DCDC1: variants seen among roughly 807,000 people sequenced by gnomAD.
DCDC1 encodes doublecortin domain-containing protein 1.
DCDC1 carries 200 observed loss-of-function variants against 178.3 expected under a neutral mutation model. The observed-to-expected ratio is 1.12, with a 90% CI of 1.00 to 1.26. The LOEUF is 1.26. DCDC1 is among the 50% of genes most tolerant of loss of function. DCDC1 has a pLI of 0.00. For synonymous variants in DCDC1, 690 were observed against 604.8 expected (o/e 1.14, Z -2.07); for missense variants, 1,983 against 1,749.2 (o/e 1.13, Z -2.38).
At chr11:31,159,608 T>G (rs1966105951) in intron 9 of DCDC1, among the ~76,000 whole-genome samples, 1 of 152,248 alleles carries the variant, frequency 6.6e-6, no homozygotes, top group African/African-American at 2.4e-5. Context: ...ATGCAGGCAG[T>G]AAGTGTGAGC....
chr11:31,116,407 AT>A (rs1320696394), intron 11 of DCDC1, among the ~76,000 whole-genome samples: 3 of 152,036 alleles, frequency 2.0e-5, no homozygotes, highest in African/African-American at 7.2e-5. Context: ...GAAAAAAAAA[AT>A]TTATCCAACC....
intron 20 of DCDC1, among the ~76,000 whole-genome samples, chr11:31,023,290 T>C (rs1479346989): frequency 6.6e-6 from 1 of 152,056 alleles, no homozygotes; most frequent in Non-Finnish European, 1.5e-5. Context: ...TATGTAATAA[T>C]ATATGTATTG....
intron 1 of DCDC1, among the ~76,000 whole-genome samples, chr11:31,348,005 A>G (rs1950897835): frequency 6.6e-6 from 1 of 152,202 alleles, no homozygotes; most frequent in African/African-American, 2.4e-5. Flanking sequence ...CTATTCCTTC[A>G]TAACCCATTT....
chr11:31,278,375 A>C (rs1310051882), intron 7 of DCDC1, among the ~76,000 whole-genome samples: 1 of 152,150 alleles, frequency 6.6e-6, no homozygotes, highest in African/African-American at 2.4e-5. Context: ...ACATGGATGA[A>C]CCTGGAGGGC....
intron 9 of DCDC1, among the ~76,000 whole-genome samples, chr11:31,224,630 G>T (rs1192299152): frequency 6.6e-6 from 1 of 151,974 alleles, no homozygotes; most frequent in African/African-American, 2.4e-5. Flanking sequence ...CTAATATCCA[G>T]AATCTACATG....
chr11:31,008,685 GT>G (rs1260267595), intron 20 of DCDC1, among the ~76,000 whole-genome samples: 2 of 152,156 alleles, frequency 1.3e-5, no homozygotes, highest in African/African-American at 2.4e-5. Flanking sequence ...AAAGACAACA[GT>G]TTTAGATTCA....
chr11:30,929,643 T>C (rs1946806066), intron 22 of DCDC1, among the ~76,000 whole-genome samples: 1 of 152,006 alleles, frequency 6.6e-6, no homozygotes, highest in African/African-American at 2.4e-5. Flanking sequence ...AACTTACTAA[T>C]AAGTAATATA....
At chr11:31,363,195 C>T (rs1374077756) in intron 1 of DCDC1, among the ~76,000 whole-genome samples, 1 of 151,996 alleles carries the variant, frequency 6.6e-6, no homozygotes, top group Admixed American at 6.5e-5. Context: ...CCAACACTAA[C>T]ATGTCTCATA....
intron 20 of DCDC1, among the ~76,000 whole-genome samples, chr11:30,959,727 T>C (rs1462691932): frequency 6.6e-6 from 1 of 152,126 alleles, no homozygotes; most frequent in African/African-American, 2.4e-5. Context: ...ACTCAATGCC[T>C]CTTGGGGCAA....
chr11:31,284,976 A>T (rs1168485163), intron 7 of DCDC1, among the ~76,000 whole-genome samples: 2 of 152,118 alleles, frequency 1.3e-5, no homozygotes, highest in Non-Finnish European at 2.9e-5. Context: ...AATATTAAGG[A>T]CTATCCTTAA....
At chr11:31,270,479 C>T (rs1945474671) in intron 7 of DCDC1, among the ~76,000 whole-genome samples, 1 of 152,104 alleles carries the variant, frequency 6.6e-6, no homozygotes, top group Admixed American at 6.5e-5. Context: ...TTTTTCTGTT[C>T]TGTATAAATT....
intron 9 of DCDC1, among the ~76,000 whole-genome samples, chr11:31,158,727 A>C (rs994551739): frequency 4.6e-5 from 7 of 152,208 alleles, no homozygotes; most frequent in Non-Finnish European, 8.8e-5. Context: ...TCAAATATGC[A>C]CACCAACTGC....
At chr11:31,331,183 CT>C (rs563000788) in intron 2 of DCDC1, among the ~76,000 whole-genome samples, 1 of 150,716 alleles carries the variant, frequency 6.6e-6, no homozygotes, top group Admixed American at 6.6e-5. Flanking sequence ...TGATTTGGCT[CT>C]TTGTTATTGG....
At chr11:30,885,145 G>A (rs1338472322) in intron 36 of DCDC1, among the ~76,000 whole-genome samples, 4 of 151,432 alleles carry the variant, frequency 2.6e-5, no homozygotes, top group African/African-American at 7.3e-5. Context: ...TCAGAGGGGA[G>A]GGAAAAAATA....
chr11:31,226,059 G>A (rs904215675), intron 9 of DCDC1, among the ~76,000 whole-genome samples: 2 of 151,992 alleles, frequency 1.3e-5, no homozygotes, highest in South Asian at 2.1e-4. Context: ...AAGGAACCAC[G>A]CTGAGGAATG....
chr11:31,150,572 ATATCTATC>A (rs558577113), intron 9 of DCDC1, among the ~76,000 whole-genome samples: 14 of 152,124 alleles, frequency 9.2e-5, no homozygotes, highest in African/African-American at 2.9e-4. Context: ...ATTTTCTACA[ATATCTATC>A]TATCTATCTA....
At chr11:31,145,493 T>C (rs372313587) in intron 9 of DCDC1, among the ~76,000 whole-genome samples, 2 of 152,246 alleles carry the variant, frequency 1.3e-5, no homozygotes, top group South Asian at 2.1e-4. Context: ...TCTATAAGGG[T>C]GGTGGCCTAT....
At chr11:30,866,071 C>T (rs990411142) in intron 38 of DCDC1, among the ~76,000 whole-genome samples, 1 of 152,046 alleles carries the variant, frequency 6.6e-6, no homozygotes, top group African/African-American at 2.4e-5. Context: ...AGGGTGGGCC[C>T]CTAATCCAGT....
chr11:31,319,496 C>A lies in DCDC1; in HGVS notation c.164+8621G>T, dbSNP rs1437542835. Reference sequence around the variant, plus strand: ...TGCAACCCCTGCCTTTTTTTGTTTTCCATTGGCTTGGTAGATCTTCCTCCA... The same window carrying A: ...TGCAACCCCTGCCTTTTTTTGTTTTACATTGGCTTGGTAGATCTTCCTCCA... On this transcript the variant is annotated intron_variant, in intron 3 of 38. Coordinates refer to ENST00000684477, the MANE Select transcript of DCDC1 (RefSeq NM_001387274.1). Among the ~76,000 whole-genome samples the A allele has an allele frequency of 1.3e-4, 8 of 62,534 alleles. 2 individuals carry two copies. In the Admixed American group the frequency reaches 1.3e-3, roughly 10 times the overall value. The allele number at this position is 62,534 out of a possible 152,430, so 41.0% of individuals were successfully genotyped here. A position where few individuals can be genotyped will look rare whatever the true frequency, so the allele number is the denominator to read the frequency against.
Sources: gnomAD v4.1 joint callset for allele counts (sites outside exome capture counted in the v4.1 genomes callset) on GRCh38, gnomAD v4.1.1 for gene constraint, MANE v1.5 for transcripts, NCBI Gene and HGNC (gene_info 2026-07-23, HGNC 2026-07-21) for gene names.